The following STRN variants were observed in gnomAD, a reference collection of about 807,000 sequenced individuals.
The protein encoded by STRN is striatin, also known as protein phosphatase 2 regulatory subunit B'''alpha.
STRN carries 53 observed loss-of-function variants against 96.3 expected under a neutral mutation model. The observed-to-expected ratio is 0.55, with a 90% confidence interval of 0.44 to 0.69. The LOEUF (loss-of-function observed/expected upper bound fraction) is 0.69, where lower values mean the gene tolerates loss of function less well. STRN is among the 30% of genes least tolerant of loss of function. STRN has a pLI of 0.00. For synonymous variants in STRN, 428 were observed against 355.9 expected, an observed-to-expected ratio of 1.20 and a Z score of -2.28; for missense variants, 987 against 963.9, an observed-to-expected ratio of 1.02 and a Z score of -0.32.
intron 10 of STRN, among the ~76,000 whole-genome samples, chr2:36,872,945 G>A (rs567478387): frequency 3.3e-5 from 5 of 152,242 alleles, no homozygotes; most frequent in Admixed American, 6.5e-5. Context: ...TATTTCGGCT[G>A]TTTTCCCCCA....
chr2:36,953,960 A>T (rs1664820011), intron 1 of STRN, among the ~76,000 whole-genome samples: 1 of 152,124 alleles, frequency 6.6e-6, no homozygotes, highest in Non-Finnish European at 1.5e-5. Context: ...CATGCCTATG[A>T]ATAGTCACTG....
intron 9 of STRN, 106 bp downstream of exon 9, chr2:36,883,826 A>C: frequency 9.2e-7 from 1 of 1,091,924 alleles, no homozygotes; most frequent in Non-Finnish European, 1.2e-6. Context: ...CAGATCAAAC[A>C]TCTGCAGAAT....
At chr2:36,871,633 C>T (rs1258203186) in intron 10 of STRN, among the ~76,000 whole-genome samples, 3 of 152,180 alleles carry the variant, frequency 2.0e-5, no homozygotes, top group South Asian at 2.1e-4. Context: ...ATTCTAACAA[C>T]AGCTGTTATT....
chr2:36,934,479 G>A (rs1670651293), intron 1 of STRN, among the ~76,000 whole-genome samples: 1 of 152,166 alleles, frequency 6.6e-6, no homozygotes, highest in Non-Finnish European at 1.5e-5. Flanking sequence ...ACTTGCAAAT[G>A]ATAAGTCTTC....
At chr2:36,952,830 C>T (rs1664792616) in intron 1 of STRN, among the ~76,000 whole-genome samples, 2 of 152,232 alleles carry the variant, frequency 1.3e-5, no homozygotes, top group South Asian at 2.1e-4. Context: ...AGGCTCCTCC[C>T]TGTTCCCTCC....
At position 36,916,144 on chromosome 2, in the gene STRN, A is replaced by G. The variant is rs1388953238; in HGVS notation, c.346T>C (p.Tyr116His). 1 of 1,613,226 alleles carries G rather than the reference A, an allele frequency of 6.2e-7. No individual in the cohort carries two copies. Among genetic ancestry groups the G allele is most frequent in the South Asian group, 1.1e-5 (1 of 91,030 alleles). ...EYALKQERAK[Y>H]HKLKYGTELN... The stretch of plus-strand genomic sequence containing the variant: ...TCTGTCCCGTATTTCAACTTGTGGT[A>G]TTTGGCTCTAACAAAGAAATGAGAA... The change falls in exon 3 of 18, where the codon TAC (tyrosine) becomes CAC (histidine). Residue 116 changes from tyrosine to histidine, a missense_variant. Physicochemically the swap from Tyr to His is moderately conservative, Grantham distance 83 (BLOSUM62 2). Transcript: ENST00000263918.
intron 11 of STRN, among the ~76,000 whole-genome samples, chr2:36,868,408 T>C (rs188120243): frequency 6.6e-6 from 1 of 152,338 alleles, no homozygotes; most frequent in Admixed American, 6.5e-5. Flanking sequence ...CTATCCTTCA[T>C]ACTGAAGAGA....
At chr2:36,879,411 T>C (rs1469008818) in intron 9 of STRN, among the ~76,000 whole-genome samples, 1 of 152,174 alleles carries the variant, frequency 6.6e-6, no homozygotes, top group Non-Finnish European at 1.5e-5. Flanking sequence ...TTTCATTAGC[T>C]GTGAACTGTG....
intron 1 of STRN, among the ~76,000 whole-genome samples, chr2:36,925,825 G>A (rs1007380510): frequency 6.6e-6 from 1 of 152,136 alleles, no homozygotes; most frequent in South Asian, 2.1e-4. Context: ...AAGGTGTACA[G>A]TACAGTTTGC....
At chr2:36,926,856 AC>A (rs965684868) in intron 1 of STRN, among the ~76,000 whole-genome samples, 2 of 152,182 alleles carry the variant, frequency 1.3e-5, no homozygotes, top group African/African-American at 4.8e-5. Context: ...ATGTTACCTA[AC>A]CAGAATAGTA....
At chr2:36,938,353 G>T (rs1237221601) in intron 1 of STRN, among the ~76,000 whole-genome samples, 2 of 151,980 alleles carry the variant, frequency 1.3e-5, no homozygotes, top group Non-Finnish European at 2.9e-5. Context: ...TTGAATCTGG[G>T]AGGCAGAGGT....
intron 8 of STRN, among the ~76,000 whole-genome samples, chr2:36,885,849 A>G (rs566767639): frequency 6.6e-6 from 1 of 152,104 alleles, no homozygotes; most frequent in Non-Finnish European, 1.5e-5. Context: ...CTACCTTAAC[A>G]TCTCAAATAA....
At chr2:36,857,478 C>G (rs1668374961) in intron 14 of STRN, among the ~76,000 whole-genome samples, 1 of 151,690 alleles carries the variant, frequency 6.6e-6, no homozygotes, top group Non-Finnish European at 1.5e-5. Context: ...AGTTCCAGAC[C>G]AGCCTGGCCA....
At chr2:36,947,100 G>C (rs1202393402) in intron 1 of STRN, among the ~76,000 whole-genome samples, 3 of 152,052 alleles carry the variant, frequency 2.0e-5, no homozygotes, top group African/African-American at 4.8e-5. Context: ...GTTTTACCAT[G>C]TTAGCCAGGA....
At chr2:36,873,012 A>G (rs1668804246) in intron 10 of STRN, among the ~76,000 whole-genome samples, 1 of 152,230 alleles carries the variant, frequency 6.6e-6, no homozygotes, top group Admixed American at 6.5e-5. Context: ...TTTTTCTGAC[A>G]GATTTGAAGT....
Position 36,916,069 on chromosome 2 carries a change from T to A in STRN, c.412+9A>T. On this transcript the variant is annotated intron_variant, in intron 3 of 17. Transcript: ENST00000263918. ...TTTAACACTTAAACTTCCATTAAAATTAGCTTACCAGAATCATAGCTTGGA... is the reference window on the plus strand; with the variant it reads ...TTTAACACTTAAACTTCCATTAAAAATAGCTTACCAGAATCATAGCTTGGA... 3.1e-6 allele frequency: 5 copies of A among 1,609,358 alleles called. No homozygotes were observed. Among genetic ancestry groups the A allele is most frequent in the Non-Finnish European group, 4.2e-6 (5 of 1,176,916 alleles).
chr2:36,917,682 G>C (rs1455351857), intron 2 of STRN, among the ~76,000 whole-genome samples: 2 of 152,092 alleles, frequency 1.3e-5, no homozygotes, highest in East Asian at 1.9e-4. Context: ...AGACAGAGAG[G>C]AATTCTAAGA....
intron 1 of STRN, among the ~76,000 whole-genome samples, chr2:36,927,230 G>A (rs1308447496): frequency 6.6e-6 from 1 of 152,078 alleles, no homozygotes; most frequent in Non-Finnish European, 1.5e-5. Flanking sequence ...TCAGAGGCTG[G>A]GCACAGTGGC....
At chr2:36,927,207 A>G (rs1460935128) in intron 1 of STRN, among the ~76,000 whole-genome samples, 16 of 152,112 alleles carry the variant, frequency 1.1e-4, no homozygotes, top group African/African-American at 3.9e-4. Flanking sequence ...AGAAATTACA[A>G]TTAAAAGTAT....
Sources: allele counts gnomAD v4.1 joint callset (sites outside exome capture counted in the v4.1 genomes callset), GRCh38; gene constraint gnomAD v4.1.1; transcripts MANE v1.5; gene names NCBI Gene and HGNC (gene_info 2026-07-23, HGNC 2026-07-21).